MEIS2: variants seen among roughly 807,000 people sequenced by gnomAD.
MEIS2 encodes the protein homeobox protein Meis2.
In MEIS2, 9 loss-of-function variants were observed where a neutral mutation model predicts 58.6. The ratio of observed to expected loss-of-function variants is 0.15; its 90% CI spans 0.09 to 0.27. The LOEUF is 0.27. MEIS2 is among the 10% of genes least tolerant of loss of function. The pLI is 1.00. For missense variants in MEIS2, 427 were observed against 635.0 expected (o/e 0.67, Z 3.52); for synonymous variants, 221 against 228.4 (o/e 0.97, Z 0.29).
chr15:37,095,115 C>T (rs1426127156), intron 4 of MEIS2: 5 of 182,824 alleles, frequency 2.7e-5, no homozygotes, highest in Admixed American at 2.7e-4. Flanking sequence ...TGCAAATTAG[C>T]AAAAGAATCG....
At chr15:37,021,664 G>C (rs2061531655) in intron 8 of MEIS2, among the ~76,000 whole-genome samples, 1 of 152,084 alleles carries the variant, frequency 6.6e-6, no homozygotes, top group Non-Finnish European at 1.5e-5. Context: ...TGTTCCCAGT[G>C]TGTTACCACA....
chr15:36,928,913 T>TA (rs1322775131), intron 9 of MEIS2, among the ~76,000 whole-genome samples: 1 of 151,270 alleles, frequency 6.6e-6, no homozygotes, highest in African/African-American at 2.4e-5. Flanking sequence ...GCACTGCTTA[T>TA]AAAAAAAGAT....
At chr15:36,899,760 G>T (rs716218) in intron 9 of MEIS2, among the ~76,000 whole-genome samples, 273 of 152,066 alleles carry the variant, frequency 1.8e-3, no homozygotes, top group Middle Eastern at 3.4e-3. Context: ...GACTCAAAAG[G>T]TTCCATGGAT....
chr15:37,062,060 A>G (rs1889289536), intron 7 of MEIS2, among the ~76,000 whole-genome samples: 1 of 152,198 alleles, frequency 6.6e-6, no homozygotes, highest in African/African-American at 2.4e-5. Flanking sequence ...GAAGCCTACT[A>G]AAGGTTTTCA....
At position 36,951,155 on chromosome 15, in the gene MEIS2, C is replaced by T. The variant is rs75879504; in HGVS notation, c.901-755G>A. ...TGTTTTCTAATTCTTCACTTCCTAT[C>T]GAAATTCACCAACATTTATAATGAA... On this transcript the variant is annotated intron_variant, in intron 8 of 11. Transcript: ENST00000561208. 5.8e-3 allele frequency among the ~76,000 whole-genome samples: 880 copies of T among 152,226 alleles called. 8 individuals carry two copies. The highest frequency in any genetic ancestry group is 0.02 in the African/African-American group (819 of 41,554).
At chr15:37,024,885 A>G (rs2061648655) in intron 8 of MEIS2, among the ~76,000 whole-genome samples, 2 of 152,228 alleles carry the variant, frequency 1.3e-5, no homozygotes, top group Admixed American at 6.5e-5. Context: ...CAAAGCCCCA[A>G]CCAGCTTGCT....
intron 1 of MEIS2, 135 bp downstream of exon 1, chr15:37,099,320 C>G: frequency 6.4e-7 from 1 of 1,557,910 alleles, no homozygotes; most frequent in Non-Finnish European, 8.7e-7. Flanking sequence ...AATAATTTTG[C>G]TATTTTTTAA....
In MEIS2 at chr15:36,972,567, A is replaced by G. The variant is rs1009592626; in HGVS notation, c.901-22167T>C. Among the ~76,000 whole-genome samples the G allele has an allele frequency of 7.9e-5, 12 of 152,170 alleles. No homozygotes were observed. In the East Asian group the frequency reaches 2.3e-3, roughly 29 times the overall value. On this transcript the variant is annotated intron_variant, in intron 8 of 11. Transcript: ENST00000561208. ...CCACCGCACCTGGCCAATAGAAACT[A>G]TTTTTAAAAATTCATTTATGTGTCT... is the stretch of plus-strand genomic sequence containing the variant.
chr15:37,099,513 C>T lies in MEIS2; in HGVS notation c.-47G>A. The T allele has an allele frequency of 6.2e-7, 1 of 1,612,980 alleles. No individual in the cohort carries two copies. The highest frequency in any genetic ancestry group is 8.5e-7 in the Non-Finnish European group (1 of 1,179,648). On this transcript the variant is annotated 5_prime_UTR_variant, in exon 1 of 12. Transcript: ENST00000561208. ...CCTGGATGTGTCGTATATTTAATAT[C>T]CCAGTCCGGATAAGAAAGTGATCTA...
chr15:36,998,499 A>G (rs1945621325), intron 8 of MEIS2, among the ~76,000 whole-genome samples: 1 of 151,946 alleles, frequency 6.6e-6, no homozygotes, highest in Admixed American at 6.6e-5. Flanking sequence ...GAGATTACAG[A>G]CATGAGCCCC....
intron 8 of MEIS2, among the ~76,000 whole-genome samples, chr15:37,036,051 G>C (rs1408515593): frequency 6.6e-6 from 1 of 151,908 alleles, no homozygotes; most frequent in Non-Finnish European, 1.5e-5. Flanking sequence ...TAGTTTATCT[G>C]TAAAAATATA....
chr15:37,091,883 T>A (rs901573997), intron 6 of MEIS2, among the ~76,000 whole-genome samples: 4 of 152,024 alleles, frequency 2.6e-5, no homozygotes, highest in Non-Finnish European at 2.9e-5. Context: ...TGTAAATAGA[T>A]CCCTCCCCAG....
intron 7 of MEIS2, among the ~76,000 whole-genome samples, chr15:37,080,229 C>T (rs1365335009): frequency 6.6e-6 from 1 of 152,040 alleles, no homozygotes; most frequent in African/African-American, 2.4e-5. Flanking sequence ...TGAACCCATA[C>T]CATTGTTCAA....
intron 8 of MEIS2, among the ~76,000 whole-genome samples, chr15:37,012,860 CT>C (rs1009095693): frequency 5.3e-5 from 8 of 151,970 alleles, no homozygotes; most frequent in African/African-American, 1.7e-4. Context: ...TTCAATGTGG[CT>C]TTTTTTGGCA....
Position 36,895,160 on chromosome 15 carries a change from G to T in MEIS2, c.1138C>A (p.Arg380=). ...VLDGQQHMGI[R]PAGLQSMPGD... Reference sequence around the variant, plus strand: ...GGATGAGCCAACCTACCTGCAGGCCGGATCCCCATGTGTTGCTGACCATCC... The same window carrying T: ...GGATGAGCCAACCTACCTGCAGGCCTGATCCCCATGTGTTGCTGACCATCC... Residue 380 remains arginine (R), a synonymous_variant, in exon 11 of 12, where the codon CGG becomes AGG. Transcript: ENST00000561208. The T allele has an allele frequency of 6.2e-7, 1 of 1,613,718 alleles. No homozygotes were observed. Among genetic ancestry groups the T allele is most frequent in the Non-Finnish European group, 8.5e-7 (1 of 1,179,968 alleles).
chr15:36,894,643 G>C (rs2056072398), intron 11 of MEIS2: 3 of 1,255,754 alleles, frequency 2.4e-6, no homozygotes, highest in Non-Finnish European at 3.4e-6. Context: ...AAAATAAAAT[G>C]GGGGCAAATT....
At chr15:36,956,451 G>A (rs1294725810) in intron 8 of MEIS2, among the ~76,000 whole-genome samples, 2 of 152,090 alleles carry the variant, frequency 1.3e-5, no homozygotes, top group East Asian at 1.9e-4. Flanking sequence ...TTTTAATTTA[G>A]GGATGTAATC....
chr15:37,048,174 AACT>A (rs1421425496), intron 7 of MEIS2, among the ~76,000 whole-genome samples: 8 of 152,176 alleles, frequency 5.3e-5, no homozygotes, highest in Non-Finnish European at 1.2e-4. Context: ...TAACATTTTA[AACT>A]AAAACTAGAA....
rs1232178150 is a variant in MEIS2 at position 37,089,613 on chromosome 15, G to T, written c.639+3968C>A. On this transcript the variant is annotated intron_variant, in intron 6 of 11. Transcript: ENST00000561208. ...AGATCCAGGCAATTTTAAGGTATCT[G>T]CTATTAACTGTTAACAGACATAATT... is the stretch of plus-strand genomic sequence containing the variant. 2.6e-5 allele frequency among the ~76,000 whole-genome samples: 4 copies of T among 152,204 alleles called. No homozygotes were observed. In the South Asian group the frequency reaches 8.3e-4, roughly 32 times the overall value.
Sources: gnomAD v4.1 joint callset for allele counts (sites outside exome capture counted in the v4.1 genomes callset) on GRCh38, gnomAD v4.1.1 for gene constraint, MANE v1.5 for transcripts, NCBI Gene and HGNC (gene_info 2026-07-23, HGNC 2026-07-21) for gene names.